GPHN: variants seen among roughly 807,000 people sequenced by gnomAD.
The protein encoded by GPHN is gephyrin.
A neutral mutation model predicts 95.5 loss-of-function variants in GPHN; 17 were observed. The ratio of observed to expected loss-of-function variants is 0.18; its 90% confidence interval spans 0.12 to 0.27. The LOEUF (loss-of-function observed/expected upper bound fraction) is 0.27. GPHN is among the 10% of genes least tolerant of loss of function. The pLI, the probability that GPHN is intolerant of heterozygous loss-of-function variation, is 1.00. For missense variants in GPHN, 660 were observed against 978.1 expected (o/e 0.67, Z 4.34); for synonymous variants, 320 against 322.5 (o/e 0.99, Z 0.08).
At chr14:67,275,622 G>A in the GPHN span, among the ~76,000 whole-genome samples, 1 of 152,160 alleles carries the variant, frequency 6.6e-6, no homozygotes, top group East Asian at 1.9e-4. Context: ...GTATCAGGAT[G>A]ATGCTGGCCT....
chr14:66,993,542 T>G (rs1265566280), intron 9 of GPHN, among the ~76,000 whole-genome samples: 1 of 152,194 alleles, frequency 6.6e-6, no homozygotes, highest in Non-Finnish European at 1.5e-5. Context: ...CTGTTTGGCC[T>G]CACCTAAAAT....
chr14:67,354,109 C>T, the GPHN span: 2 of 152,118 alleles, frequency 1.3e-5, no homozygotes, highest in African/African-American at 4.8e-5. Flanking sequence ...TTATAAATTA[C>T]CCAGTCTCAA....
At chr14:66,971,475 A>G (rs1460312227) in intron 9 of GPHN, among the ~76,000 whole-genome samples, 1 of 152,244 alleles carries the variant, frequency 6.6e-6, no homozygotes, top group African/African-American at 2.4e-5. Context: ...TATCTCGCTT[A>G]ATAGAAAATA....
At chr14:67,017,931 G>A (rs182073987) in intron 9 of GPHN, among the ~76,000 whole-genome samples, 1 of 152,040 alleles carries the variant, frequency 6.6e-6, no homozygotes, top group Non-Finnish European at 1.5e-5. Context: ...AGTCTGCTGA[G>A]ATTGAAAAGA....
intron 18 of GPHN, among the ~76,000 whole-genome samples, chr14:67,155,433 G>A (rs748587730): frequency 1.3e-5 from 2 of 152,176 alleles, no homozygotes; most frequent in African/African-American, 2.4e-5. Context: ...TAAAAATTAA[G>A]ATAGGAAACA....
the GPHN span, among the ~76,000 whole-genome samples, chr14:67,253,266 G>A: frequency 2.6e-5 from 4 of 152,160 alleles, no homozygotes; most frequent in African/African-American, 9.7e-5. Flanking sequence ...TACATATTAA[G>A]CACTCTTTCA....
chr14:66,775,877 C>T (rs553002847), intron 2 of GPHN, among the ~76,000 whole-genome samples: 1 of 152,216 alleles, frequency 6.6e-6, no homozygotes, highest in East Asian at 1.9e-4. Flanking sequence ...CATCTCTTCC[C>T]CTTGGACAGT....
intron 3 of GPHN, among the ~76,000 whole-genome samples, chr14:66,792,065 A>G (rs1211802558): frequency 6.6e-6 from 1 of 152,144 alleles, no homozygotes; most frequent in Non-Finnish European, 1.5e-5. Context: ...GTATGGGGGA[A>G]ATTACCCCCA....
At chr14:67,573,302 G>A in the GPHN span, 133 of 1,613,316 alleles carry the variant, frequency 8.2e-5, 1 homozygote, top group African/African-American at 1.3e-3. This position sits in a 1 kb window ranked among gnomAD's most constrained non-coding sequence, Gnocchi z 4.8. Context: ...CGGGCTACCT[G>A]CTGAAAATGG....
At chr14:66,994,956 T>C (rs368193909) in intron 9 of GPHN, among the ~76,000 whole-genome samples, 2 of 152,180 alleles carry the variant, frequency 1.3e-5, no homozygotes, top group East Asian at 3.8e-4. Flanking sequence ...AATAAACATA[T>C]ATTGAGCACC....
At chr14:66,785,854 C>A (rs565379382) in intron 3 of GPHN, among the ~76,000 whole-genome samples, 25 of 150,386 alleles carry the variant, frequency 1.7e-4, no homozygotes, top group Non-Finnish European at 3.7e-4. Context: ...TTTACACAAA[C>A]GAAAAATGAA....
chr14:66,555,186 C>A (rs1393042824), intron 1 of GPHN, among the ~76,000 whole-genome samples: 1 of 152,096 alleles, frequency 6.6e-6, no homozygotes, highest in Non-Finnish European at 1.5e-5. Flanking sequence ...GTAGCAGATT[C>A]TGAACATATG....
intron 2 of GPHN, among the ~76,000 whole-genome samples, chr14:66,707,670 C>T (rs973054047): frequency 4.0e-5 from 6 of 150,934 alleles, no homozygotes; most frequent in Middle Eastern, 3.4e-3. Context: ...TGTTGGGCGG[C>T]GGCAGCGAGG....
chr14:66,671,999 G>A (rs1421449597), intron 1 of GPHN, among the ~76,000 whole-genome samples: 1 of 151,876 alleles, frequency 6.6e-6, no homozygotes, highest in African/African-American at 2.4e-5. Context: ...GATTTAAGTT[G>A]CTGTCATATA....
the GPHN span, chr14:67,208,499 A>G: frequency 6.4e-7 from 1 of 1,568,370 alleles, no homozygotes; most frequent in Admixed American, 1.9e-5. Flanking sequence ...TGAAATATTA[A>G]TAAAGAAATA....
At chr14:67,074,860 G>T (rs975444833) in intron 11 of GPHN, among the ~76,000 whole-genome samples, 7 of 152,178 alleles carry the variant, frequency 4.6e-5, no homozygotes, top group Non-Finnish European at 1.0e-4. Flanking sequence ...AGCCAGCAGA[G>T]GTTGGCTTAT....
At chr14:67,205,092 A>G in the GPHN span, 1 of 1,546,402 alleles carries the variant, frequency 6.5e-7, no homozygotes, top group Non-Finnish European at 8.7e-7. Flanking sequence ...AGGAGAAGGT[A>G]TGTGTCACTG....
At chr14:67,590,233 C>A in the GPHN span, 1 of 1,278,192 alleles carries the variant, frequency 7.8e-7, no homozygotes, top group Non-Finnish European at 1.0e-6. Flanking sequence ...TGCAGTGGTG[C>A]TGCATCCACT....
At chr14:66,844,332 T>G (rs1047093270) in intron 4 of GPHN, among the ~76,000 whole-genome samples, 1 of 152,186 alleles carries the variant, frequency 6.6e-6, no homozygotes, top group African/African-American at 2.4e-5. Flanking sequence ...TAACATTATC[T>G]GCACTGTAAA....
Sources: gnomAD v4.1 joint callset for allele counts (sites outside exome capture counted in the v4.1 genomes callset) on GRCh38, gnomAD v4.1.1 for gene constraint, Gnocchi (gnomAD v3.1) non-coding constraint, MANE v1.5 for transcripts, NCBI Gene and HGNC (gene_info 2026-07-23, HGNC 2026-07-21) for gene names.